The following FBLN1 variants were observed in gnomAD, a reference collection of about 807,000 sequenced individuals.
FBLN1 encodes fibulin-1.
FBLN1 carries 34 observed loss-of-function variants against 89.7 expected under a neutral mutation model. The ratio of observed to expected loss-of-function variants is 0.38; its 90% CI spans 0.29 to 0.50. The LOEUF (loss-of-function observed/expected upper bound fraction) is 0.50, where lower values mean the gene tolerates loss of function less well. Ranked by LOEUF, FBLN1 falls within the 20% of genes least tolerant of loss-of-function variation. The pLI, the probability that FBLN1 is intolerant of heterozygous loss-of-function variation, is 0.92. For synonymous variants in FBLN1, 393 were observed against 391.3 expected, an observed-to-expected ratio of 1.00 and a Z score of -0.05; for missense variants, 777 against 988.1, an observed-to-expected ratio of 0.79 and a Z score of 2.86.
chr22:45,520,312 G>A (rs1001608780), intron 2 of FBLN1, among the ~76,000 whole-genome samples: 6 of 152,180 alleles, frequency 3.9e-5, no homozygotes, highest in African/African-American at 1.4e-4. Flanking sequence ...TCATAGTTCC[G>A]GAGGCCAGAA....
Position 45,580,811 on chromosome 22 carries a change from G to A in FBLN1, c.1972+3703G>A, listed in dbSNP as rs1006765440. Among the ~76,000 whole-genome samples the A allele has an allele frequency of 6.6e-5, 10 of 152,152 alleles. No individual in the cohort carries two copies. The highest frequency in any genetic ancestry group is 2.6e-4 in the Admixed American group (4 of 15,280). ...ACAGAAGAAGAGGGAGAAATGCCCCGAGTCCACTAAGAACCTGCAAGGGCC... is the reference window on the plus strand; with the variant it reads ...ACAGAAGAAGAGGGAGAAATGCCCCAAGTCCACTAAGAACCTGCAAGGGCC... On this transcript the variant is annotated intron_variant, in intron 16 of 16. Transcript: ENST00000327858. The surrounding 1 kb of genome is among the most constrained non-coding windows in gnomAD (Gnocchi z 8.6).
At chr22:45,539,698 G>A (rs181223912) in intron 8 of FBLN1, among the ~76,000 whole-genome samples, 2 of 152,322 alleles carry the variant, frequency 1.3e-5, no homozygotes, top group East Asian at 1.9e-4. Context: ...GGGAGAGATC[G>A]GGTGCCCTGT....
rs1334222011 is a variant in FBLN1, at chr22:45,579,629, G to C, written c.1972+2521G>C. On this transcript the variant is annotated intron_variant, in intron 16 of 16. Coordinates refer to ENST00000327858, the MANE Select transcript of FBLN1 (RefSeq NM_006486.3). The surrounding 1 kb of genome is among the most constrained non-coding windows in gnomAD (Gnocchi z 5.5). Reference sequence around the variant, plus strand: ...GGTCTGTGTGCAGGATGCCCCACCTGGCTGGGCTCCTGGAGTTGACCTGGT... The same window carrying C: ...GGTCTGTGTGCAGGATGCCCCACCTCGCTGGGCTCCTGGAGTTGACCTGGT... Among the ~76,000 whole-genome samples, 3 of 152,324 alleles carry C rather than the reference G, an allele frequency of 2.0e-5. No homozygotes were observed. Among genetic ancestry groups the C allele is most frequent in the East Asian group, 1.9e-4 (1 of 5,176 alleles).
Position 45,547,041 on chromosome 22 carries a change from G to A in FBLN1, c.1322-44G>A, listed in dbSNP as rs748103377. 2.5e-6 allele frequency: 4 copies of A among 1,613,378 alleles called. No individual in the cohort carries two copies. The South Asian group carries it at 4.4e-5, about 18-fold the overall frequency. On this transcript the variant is annotated intron_variant, in intron 11 of 16. Transcript: ENST00000327858. ...ACCCTGAGGGCTACTGTGGAGGCAG[G>A]GACGTATGATGCTCTGAGCGGTGAC... is the stretch of plus-strand genomic sequence containing the variant.
At chr22:45,565,634 G>A (rs2088895372) in intron 14 of FBLN1, 1 of 193,858 alleles carries the variant, frequency 5.2e-6, no homozygotes, top group South Asian at 1.1e-4. Context: ...TGTATTCTCT[G>A]CAACTTTGCA....
At chr22:45,513,547 G>T (rs1027463159) in intron 1 of FBLN1, among the ~76,000 whole-genome samples, 9 of 151,818 alleles carry the variant, frequency 5.9e-5, no homozygotes, top group African/African-American at 9.7e-5. Flanking sequence ...TGGTCCAATG[G>T]TATTAAATAC....
intron 14 of FBLN1, among the ~76,000 whole-genome samples, chr22:45,568,007 C>G (rs999209720): frequency 5.3e-5 from 8 of 152,086 alleles, no homozygotes; most frequent in African/African-American, 1.9e-4. Context: ...AACTTAGCCA[C>G]CACAGCTCTC....
Position 45,550,380 on chromosome 22 carries a change from C to G in FBLN1, c.1574-112C>G. Reference sequence around the variant, plus strand: ...TCAGCCAGTGGAGGGCAGGGATGGCCTGATCGCCACCCCTAACCCTAGTTG... The same window carrying G: ...TCAGCCAGTGGAGGGCAGGGATGGCGTGATCGCCACCCCTAACCCTAGTTG... On this transcript the variant is annotated intron_variant, in intron 13 of 16. Transcript: ENST00000327858. This position sits in a 1 kb window ranked among gnomAD's most constrained non-coding sequence, Gnocchi z 8.4. The G allele has an allele frequency of 1.3e-6, 2 of 1,494,264 alleles. No individual in the cohort carries two copies. The highest frequency in any genetic ancestry group is 2.3e-5 in the South Asian group (2 of 87,748). The allele number at this position is 1,494,264 out of a possible 1,614,324, so 92.6% of individuals were successfully genotyped here.
Position 45,576,880 on chromosome 22 carries a change from G to T in FBLN1, c.1841-97G>T. 1 of 1,465,520 alleles carries T rather than the reference G, an allele frequency of 6.8e-7. No individual in the cohort carries two copies. Among genetic ancestry groups the T allele is most frequent in the East Asian group, 2.3e-5 (1 of 43,574 alleles). The allele number at this position is 1,465,520 out of a possible 1,614,324, so 90.8% of individuals were successfully genotyped here. The stretch of plus-strand genomic sequence containing the variant: ...TGTCTCATGAAAGGGCCCTGGGTTA[G>T]GTCTTCATTCCCCAAGGGTGAGTTC... On this transcript the variant is annotated intron_variant, in intron 15 of 16. Transcript: ENST00000327858. This position sits in a 1 kb window ranked among gnomAD's most constrained non-coding sequence, Gnocchi z 5.2.
rs543381110 is a variant in FBLN1 at position 45,598,759 on chromosome 22, C to G, written c.1973-1548C>G. 3.0e-4 allele frequency among the ~76,000 whole-genome samples: 45 copies of G among 152,370 alleles called. 1 individual carries two copies. The highest frequency in any genetic ancestry group is 1.1e-3 in the African/African-American group (45 of 41,586). ...CATGTGTGCATGCGAAGGGGATCTGCTGAGTGCTCTGCTCTGGTGGGAAGG... is the reference window on the plus strand; with the variant it reads ...CATGTGTGCATGCGAAGGGGATCTGGTGAGTGCTCTGCTCTGGTGGGAAGG... On this transcript the variant is annotated intron_variant, in intron 16 of 16. Coordinates refer to ENST00000327858, the MANE Select transcript of FBLN1 (RefSeq NM_006486.3).
At chr22:45,552,683 T>A (rs2088719722) in intron 14 of FBLN1, among the ~76,000 whole-genome samples, 1 of 152,196 alleles carries the variant, frequency 6.6e-6, no homozygotes, top group Non-Finnish European at 1.5e-5. Context: ...TCCGCTGCTG[T>A]GCCTTTCTCT....
At position 45,557,243 on chromosome 22, in the gene FBLN1, T is replaced by C. The variant is rs5765467; in HGVS notation, c.1697+6628T>C. On this transcript the variant is annotated intron_variant, in intron 14 of 16. Coordinates refer to ENST00000327858, the MANE Select transcript of FBLN1 (RefSeq NM_006486.3). This position sits in a 1 kb window ranked among gnomAD's most constrained non-coding sequence, Gnocchi z 4.9. ...TACCATGAGGGTGGATAAGGCATTCTGTGAACCCACGGATGGTAGTCTTGG... is the reference window on the plus strand; with the variant it reads ...TACCATGAGGGTGGATAAGGCATTCCGTGAACCCACGGATGGTAGTCTTGG... Among the ~76,000 whole-genome samples the C allele has an allele frequency of 0.66, 100,528 of 152,050 alleles. 34,051 individuals are homozygous for C. The highest frequency in any genetic ancestry group is 0.82 in the African/African-American group (34,025 of 41,484).
In FBLN1 at chr22:45,537,679, C is replaced by T. The variant is rs904569769; in HGVS notation, c.922+2342C>T. ...CAGTGAGCCCTTAGGACAGGGGCCT[C>T]GTCTGAAACCCGCCCCAGCCTTCCT... On this transcript the variant is annotated intron_variant, in intron 8 of 16. Transcript: ENST00000327858. The surrounding 1 kb of genome is among the most constrained non-coding windows in gnomAD (Gnocchi z 5.7). Among the ~76,000 whole-genome samples the T allele has an allele frequency of 1.3e-5, 2 of 152,040 alleles. No individual in the cohort carries two copies. Among genetic ancestry groups the T allele is most frequent in the Admixed American group, 6.6e-5 (1 of 15,256 alleles).
chr22:45,578,225 C>G lies in FBLN1; in HGVS notation c.1972+1117C>G, dbSNP rs775254401. The G allele has an allele frequency of 1.3e-5, 2 of 152,226 alleles. No homozygotes were observed. The highest frequency in any genetic ancestry group is 2.4e-5 in the African/African-American group (1 of 41,462). 9.4% of individuals were successfully genotyped at this position (152,226 alleles called of 1,614,324 possible). ...CCTTGGACGCTCAGTCTTTGCGCCT[C>G]AAACCCGACGGTTGTTAAAACTGGC... is the stretch of plus-strand genomic sequence containing the variant. On this transcript the variant is annotated intron_variant, in intron 16 of 16. Coordinates refer to ENST00000327858, the MANE Select transcript of FBLN1 (RefSeq NM_006486.3). This position sits in a 1 kb window ranked among gnomAD's most constrained non-coding sequence, Gnocchi z 4.6.
At chr22:45,507,161 G>GCTGGGCCTAGAGCTGGGC (rs1356055352) in intron 1 of FBLN1, among the ~76,000 whole-genome samples, 4 of 152,168 alleles carry the variant, frequency 2.6e-5, no homozygotes, top group African/African-American at 9.7e-5. Context: ...CGGGGCTGGG[G>GCTGGGCCTAGAGCTGGGC]CTGGGCCTAG....
intron 2 of FBLN1, 45 bp from the exon 3 acceptor site, chr22:45,525,498 C>T: frequency 2.6e-6 from 4 of 1,543,476 alleles, no homozygotes; most frequent in Non-Finnish European, 3.5e-6. Flanking sequence ...GTGCCCTGGG[C>T]CCCCTGCGCA....
chr22:45,531,406 G>C lies in FBLN1; in HGVS notation c.544+82G>C. The C allele has an allele frequency of 7.9e-7, 1 of 1,267,464 alleles. No individual in the cohort carries two copies. The highest frequency in any genetic ancestry group is 1.2e-5 in the South Asian group (1 of 83,528). The allele number at this position is 1,267,464 out of a possible 1,614,324, so 78.5% of individuals were successfully genotyped here. Reference sequence around the variant, plus strand: ...AAGGTGGCTCAGGCCTGTAATCCTAGTACTTTGGGAAGCCAAGGCAGGAGG... The same window carrying C: ...AAGGTGGCTCAGGCCTGTAATCCTACTACTTTGGGAAGCCAAGGCAGGAGG... On this transcript the variant is annotated intron_variant, in intron 5 of 16. Coordinates refer to ENST00000327858, the MANE Select transcript of FBLN1 (RefSeq NM_006486.3). The surrounding 1 kb of genome is among the most constrained non-coding windows in gnomAD (Gnocchi z 4.9).
chr22:45,538,555 T>C (rs2088513105), intron 8 of FBLN1, among the ~76,000 whole-genome samples: 1 of 152,198 alleles, frequency 6.6e-6, no homozygotes, highest in African/African-American at 2.4e-5. Flanking sequence ...ACCTTTATGT[T>C]ATCTTTTTAA....
chr22:45,528,104 C>T, intron 4 of FBLN1, 95 bp downstream of exon 4: 7 of 1,422,440 alleles, frequency 4.9e-6, no homozygotes, highest in Non-Finnish European at 5.8e-6. Context: ...ATTTTAAGGA[C>T]TTGGCTCATG....
Sources: gnomAD v4.1 joint callset for allele counts (sites outside exome capture counted in the v4.1 genomes callset) on GRCh38, gnomAD v4.1.1 for gene constraint, Gnocchi (gnomAD v3.1) non-coding constraint, MANE v1.5 for transcripts, NCBI Gene and HGNC (gene_info 2026-07-23, HGNC 2026-07-21) for gene names.